The following DSE variants were observed in gnomAD, a reference collection of about 807,000 sequenced individuals.
DSE encodes the protein dermatan-sulfate epimerase.
A neutral mutation model predicts 84.4 loss-of-function variants in DSE; 36 were observed. That is an observed-to-expected ratio of 0.43 (90% CI 0.33 to 0.56). The LOEUF is 0.56. Ranked by LOEUF, DSE falls within the 20% of genes least tolerant of loss-of-function variation. The pLI is 0.06. For missense variants in DSE, 862 were observed against 1,169.6 expected (o/e 0.74, Z 3.84); for synonymous variants, 410 against 430.1 (o/e 0.95, Z 0.58).
At chr6:116,312,974 C>G (rs1035105432) in intron 2 of DSE, among the ~76,000 whole-genome samples, 1 of 152,100 alleles carries the variant, frequency 6.6e-6, no homozygotes, top group Admixed American at 6.6e-5. Context: ...GAAGTCTTCT[C>G]TAGTACCTCA....
At chr6:116,434,900 A>G (rs983510081) in intron 5 of DSE, among the ~76,000 whole-genome samples, 15 of 152,218 alleles carry the variant, frequency 9.9e-5, no homozygotes, top group African/African-American at 3.6e-4. Flanking sequence ...GAAGTCATTT[A>G]TTGTCCAAGA....
rs915802072 is a variant in DSE at position 116,441,473 on chromosome 6, G to T, written c.*4128G>T. On this transcript the variant is annotated 3_prime_UTR_variant, in exon 6 of 6. Transcript: ENST00000644252. The stretch of plus-strand genomic sequence containing the variant: ...AAGTAACCAATTTCTAATTCTTTTG[G>T]CTGTTACATATATTGTGTACTTGTT... 1 of 151,994 alleles carries T rather than the reference G, an allele frequency of 6.6e-6. No homozygotes were observed. Among genetic ancestry groups the T allele is most frequent in the Non-Finnish European group, 1.5e-5 (1 of 68,010 alleles). The allele number at this position is 151,994 out of a possible 1,614,324, so 9.4% of individuals were successfully genotyped here.
chr6:116,367,069 T>C (rs1434960674), upstream of DSE: 1 of 152,102 alleles, frequency 6.6e-6, no homozygotes, highest in East Asian at 1.9e-4. Context: ...AGCGGAGCAG[T>C]CTTGGTAATG....
At chr6:116,321,507 G>A (rs1013311124) in intron 2 of DSE, among the ~76,000 whole-genome samples, 1 of 152,126 alleles carries the variant, frequency 6.6e-6, no homozygotes, top group East Asian at 1.9e-4. Flanking sequence ...TACAGTTCCT[G>A]GCCAGGCACA....
intron 2 of DSE, among the ~76,000 whole-genome samples, chr6:116,364,571 C>A (rs1195950888): frequency 1.3e-5 from 2 of 152,224 alleles, no homozygotes; most frequent in African/African-American, 4.8e-5. Flanking sequence ...AATACTCAGG[C>A]AGCAGAAACT....
chr6:116,363,091 T>G (rs1207915835), intron 2 of DSE, among the ~76,000 whole-genome samples: 1 of 152,168 alleles, frequency 6.6e-6, no homozygotes, highest in Non-Finnish European at 1.5e-5. Flanking sequence ...ACATTAAAAT[T>G]TGTCAATTTC....
chr6:116,313,904 T>A (rs1394912396), intron 2 of DSE, among the ~76,000 whole-genome samples: 1 of 152,212 alleles, frequency 6.6e-6, no homozygotes, highest in East Asian at 1.9e-4. Context: ...CTTGCTAACT[T>A]ATGTCCTGAA....
chr6:116,435,589 A>G lies in DSE; in HGVS notation c.1121A>G (p.Tyr374Cys). The G allele has an allele frequency of 6.4e-7, 1 of 1,568,864 alleles. No homozygotes were observed. The highest frequency in any genetic ancestry group is 8.6e-7 in the Non-Finnish European group (1 of 1,158,780). ...TAATTTTTCAAAATTAATTTCAGGT[A>G]TGATGGCAGCTTGAAATCGGTTCCT... ...WCTLHTEFLW[Y>C]DGSLKSVPPP... The change falls in exon 6 of 6, where the codon TAT (tyrosine) becomes TGT (cysteine). Residue 374 changes from tyrosine to cysteine, a missense_variant and splice_region_variant. This residue lies in a region of DSE where 309 missense variants were observed against 516.9 expected (regional missense o/e 0.60). Transcript: ENST00000644252.
rs193037485 is a variant in DSE at position 116,351,158 on chromosome 6, C to T, written c.-53-48040C>T. Among the ~76,000 whole-genome samples, 733 of 152,246 alleles carry T rather than the reference C, an allele frequency of 4.8e-3. 6 individuals are homozygous for T. The highest frequency in any genetic ancestry group is 0.016 in the African/African-American group (671 of 41,550). ...TTCTCTTTTCTTCCAAATAGTTCAA[C>T]GCCATTATAACTTTCCTGTAACAGA... On this transcript the variant is annotated intron_variant, in intron 2 of 3. Coordinates refer to the DSE transcript ENST00000430252.
At chr6:116,290,575 G>A (rs1774217349) in intron 2 of DSE, among the ~76,000 whole-genome samples, 1 of 152,032 alleles carries the variant, frequency 6.6e-6, no homozygotes, top group African/African-American at 2.4e-5. Flanking sequence ...GGATATAAGA[G>A]CTCTAGCAAA....
At chr6:116,358,092 G>GCC (rs1778679368) in intron 2 of DSE, among the ~76,000 whole-genome samples, 1 of 152,136 alleles carries the variant, frequency 6.6e-6, no homozygotes, top group Non-Finnish European at 1.5e-5. Flanking sequence ...TTGAATCCTT[G>GCC]CTGCTGGAAG....
chr6:116,437,075 A>G lies in DSE; in HGVS notation c.2607A>G (p.Lys869=). Residue 869 remains lysine, a synonymous_variant, in exon 6 of 6, where the codon AAA becomes AAG. Coordinates refer to ENST00000644252, the MANE Select transcript of DSE (RefSeq NM_013352.4). Reference sequence around the variant, plus strand: ...ATTTTGCAGATGTAACATACGAGAAACATAAAAATGGGGGCTTGATTAAAG... The same window carrying G: ...ATTTTGCAGATGTAACATACGAGAAGCATAAAAATGGGGGCTTGATTAAAG... ...LLDFADVTYE[K]HKNGGLIKGR... is the part of the protein sequence containing the mutation. 1 of 1,613,962 alleles carries G rather than the reference A, an allele frequency of 6.2e-7. No homozygotes were observed. The highest frequency in any genetic ancestry group is 1.1e-5 in the South Asian group (1 of 91,084).
At chr6:116,411,240 A>G (rs1481839187) in intron 2 of DSE, among the ~76,000 whole-genome samples, 1 of 152,226 alleles carries the variant, frequency 6.6e-6, no homozygotes, top group African/African-American at 2.4e-5. Context: ...GGTACAATAT[A>G]TATCCTTTCT....
intron 2 of DSE, among the ~76,000 whole-genome samples, chr6:116,344,564 C>T (rs200035530): frequency 1.3e-5 from 2 of 152,108 alleles, no homozygotes; most frequent in East Asian, 1.9e-4. Context: ...AAATAAAATC[C>T]TTTCAGACAA....
chr6:116,409,559 G>A (rs780146731), intron 2 of DSE, among the ~76,000 whole-genome samples: 2 of 152,174 alleles, frequency 1.3e-5, no homozygotes, highest in East Asian at 1.9e-4. Context: ...GATTACAGGC[G>A]TGAGCCAACA....
chr6:116,438,410 A>G lies in DSE; in HGVS notation c.*1065A>G, dbSNP rs1784310359. 1 of 146,840 alleles carries G rather than the reference A, an allele frequency of 6.8e-6. No individual in the cohort carries two copies. Among genetic ancestry groups the G allele is most frequent in the African/African-American group, 2.7e-5 (1 of 36,408 alleles). The allele number at this position is 146,840 out of a possible 1,614,324, so 9.1% of individuals were successfully genotyped here. A position where few individuals can be genotyped will look rare whatever the true frequency, so the allele number is the denominator to read the frequency against. On this transcript the variant is annotated 3_prime_UTR_variant, in exon 6 of 6. Coordinates refer to ENST00000644252, the MANE Select transcript of DSE (RefSeq NM_013352.4). Reference sequence around the variant, plus strand: ...TATAAAGTAGTGTTTGAATCAAAAGAAGTATTTTCTCTGCTTATTAACCTT... The same window carrying G: ...TATAAAGTAGTGTTTGAATCAAAAGGAGTATTTTCTCTGCTTATTAACCTT...
chr6:116,273,383 A>G (rs1478975833), intron 2 of DSE, among the ~76,000 whole-genome samples: 1 of 152,184 alleles, frequency 6.6e-6, no homozygotes, highest in East Asian at 1.9e-4. Flanking sequence ...ATAGGTCTTG[A>G]CAACCTCTGA....
rs201070167 is a variant in DSE, at chr6:116,268,337, TA to T, written c.-54+9371del. On this transcript the variant is annotated intron_variant, in intron 2 of 3. Coordinates refer to the DSE transcript ENST00000430252. ...GCACAGGCTTGTAGCCTAGGAGCAATAGACTATACCATAGAGCCTACATGTG... is the reference window on the plus strand; with the variant it reads ...GCACAGGCTTGTAGCCTAGGAGCAATGACTATACCATAGAGCCTACATGTG... Among the ~76,000 whole-genome samples the T allele has an allele frequency of 6.0e-3, 908 of 152,344 alleles. 11 individuals carry two copies. The highest frequency in any genetic ancestry group is 0.02 in the African/African-American group (839 of 41,574).
At chr6:116,286,887 A>G (rs978457386) in intron 2 of DSE, among the ~76,000 whole-genome samples, 2 of 152,150 alleles carry the variant, frequency 1.3e-5, no homozygotes, top group Non-Finnish European at 2.9e-5. Context: ...TATTTCTTCC[A>G]TTATAGGAAA....
Sources: allele counts gnomAD v4.1 joint callset (sites outside exome capture counted in the v4.1 genomes callset), GRCh38; gene constraint gnomAD v4.1.1; regional missense constraint gnomAD v4.1.1; transcripts MANE v1.5; gene names NCBI Gene and HGNC (gene_info 2026-07-23, HGNC 2026-07-21).